The following PPFIA2 variants were observed in gnomAD, a reference collection of about 807,000 sequenced individuals.
The protein encoded by PPFIA2 is liprin-alpha-2.
A neutral mutation model predicts 175.5 loss-of-function variants in PPFIA2; 46 were observed. The ratio of observed to expected loss-of-function variants is 0.26; its 90% CI spans 0.21 to 0.34. PPFIA2 has a LOEUF of 0.34. PPFIA2 is among the 10% of genes least tolerant of loss of function. The pLI is 1.00. For missense variants in PPFIA2, 1,179 were observed against 1,506.1 expected (o/e 0.78, Z 3.60); for synonymous variants, 568 against 511.4 (o/e 1.11, Z -1.49).
At chr12:81,590,782 T>G (rs1207837290) in intron 4 of PPFIA2, among the ~76,000 whole-genome samples, 2 of 152,196 alleles carry the variant, frequency 1.3e-5, no homozygotes, top group Non-Finnish European at 2.9e-5. Flanking sequence ...CCGCCATGAC[T>G]GTAAGGCCTC....
chr12:81,341,608 G>A (rs2058094963), intron 19 of PPFIA2, among the ~76,000 whole-genome samples: 1 of 152,084 alleles, frequency 6.6e-6, no homozygotes, highest in South Asian at 2.1e-4. Context: ...TATCATTAGT[G>A]TTAGAGTAGT....
chr12:81,346,925 A>G (rs1446069997), intron 18 of PPFIA2, among the ~76,000 whole-genome samples: 1 of 151,884 alleles, frequency 6.6e-6, no homozygotes, highest in East Asian at 1.9e-4. Context: ...TTTAAAAAAA[A>G]ATTATTTTAT....
At chr12:81,729,334 G>A (rs2080529138) in intron 3 of PPFIA2, among the ~76,000 whole-genome samples, 1 of 151,350 alleles carries the variant, frequency 6.6e-6, no homozygotes, top group Non-Finnish European at 1.5e-5. Context: ...CAAGAAATCG[G>A]GATTTATTTT....
intron 28 of PPFIA2, among the ~76,000 whole-genome samples, chr12:81,276,357 G>C (rs978677784): frequency 2.0e-5 from 3 of 152,076 alleles, no homozygotes; most frequent in Non-Finnish European, 2.9e-5. Context: ...CTAAAACCCA[G>C]ACTTCACCAC....
At chr12:81,327,127 A>G (rs2054957191) in intron 21 of PPFIA2, among the ~76,000 whole-genome samples, 1 of 152,144 alleles carries the variant, frequency 6.6e-6, no homozygotes, top group African/African-American at 2.4e-5. Context: ...GAACATTGAT[A>G]TAAATAAATT....
chr12:81,560,915 G>A (rs532243625), intron 4 of PPFIA2, among the ~76,000 whole-genome samples: 1 of 152,082 alleles, frequency 6.6e-6, no homozygotes, highest in African/African-American at 2.4e-5. Context: ...TTCTGATCAG[G>A]GAAGAATAGA....
At chr12:81,697,344 T>C (rs1233835428) in intron 3 of PPFIA2, among the ~76,000 whole-genome samples, 1 of 152,090 alleles carries the variant, frequency 6.6e-6, no homozygotes, top group African/African-American at 2.4e-5. Context: ...TAAAAACTTA[T>C]TTAGAGACTA....
intron 4 of PPFIA2, among the ~76,000 whole-genome samples, chr12:81,555,377 A>C (rs2068666620): frequency 6.6e-6 from 1 of 151,980 alleles, no homozygotes; most frequent in Non-Finnish European, 1.5e-5. Flanking sequence ...AGATATAATA[A>C]TGTGTATAAA....
intron 3 of PPFIA2, 110 bp downstream of exon 3, chr12:81,753,863 G>T: frequency 1.5e-6 from 2 of 1,340,898 alleles, no homozygotes; most frequent in Non-Finnish European, 2.0e-6. Context: ...TCACCAAAAC[G>T]TGTGTATCAC....
intron 4 of PPFIA2, among the ~76,000 whole-genome samples, chr12:81,560,595 A>T (rs2069841015): frequency 1.3e-5 from 2 of 152,154 alleles, no homozygotes; most frequent in South Asian, 4.1e-4. Flanking sequence ...TCTCTCAGAG[A>T]ATACTTCTTC....
intron 3 of PPFIA2, chr12:81,687,308 C>T (rs2074560865): frequency 6.6e-6 from 1 of 151,958 alleles, no homozygotes; most frequent in South Asian, 2.1e-4. Flanking sequence ...AAAAAGAAAC[C>T]CTGCACTCTT....
At chr12:81,339,384 A>C in intron 20 of PPFIA2, 50 bp from the exon 21 acceptor site, 1 of 1,395,286 alleles carries the variant, frequency 7.2e-7, no homozygotes, top group South Asian at 1.7e-5. Flanking sequence ...AAGGTACACA[A>C]AAGTCATTTC....
chr12:81,621,393 G>C (rs1417255981), intron 4 of PPFIA2, among the ~76,000 whole-genome samples: 1 of 152,200 alleles, frequency 6.6e-6, no homozygotes, highest in South Asian at 2.1e-4. Flanking sequence ...ATTGGACATT[G>C]ATTTTTATTC....
chr12:81,283,003 C>A lies in PPFIA2; in HGVS notation c.3018+7G>T, dbSNP rs753598236. ...ATTAAGGGTCTTAAAGCATATGAATCTCCTACCTGGGCCCAGCTTCCTTCC... is the reference window on the plus strand; with the variant it reads ...ATTAAGGGTCTTAAAGCATATGAATATCCTACCTGGGCCCAGCTTCCTTCC... On this transcript the variant is annotated splice_region_variant and intron_variant, in intron 26 of 32. Transcript: ENST00000549396. 2 of 1,610,694 alleles carry A rather than the reference C, an allele frequency of 1.2e-6. No individual in the cohort carries two copies. The highest frequency in any genetic ancestry group is 1.7e-6 in the Non-Finnish European group (2 of 1,177,414).
chr12:81,264,289 TCTTC>T (rs2036547117), intron 30 of PPFIA2, among the ~76,000 whole-genome samples: 1 of 152,218 alleles, frequency 6.6e-6, no homozygotes, highest in Admixed American at 6.5e-5. Context: ...TAAAATAATC[TCTTC>T]CTTCTCTTTG....
intron 4 of PPFIA2, among the ~76,000 whole-genome samples, chr12:81,634,906 CA>C (rs2063810549): frequency 6.6e-6 from 1 of 151,056 alleles, no homozygotes; most frequent in Admixed American, 6.6e-5. Context: ...TTGTCTTTAT[CA>C]AAGAACACTA....
chr12:81,430,329 A>G (rs1409146065), intron 7 of PPFIA2: 1 of 152,134 alleles, frequency 6.6e-6, no homozygotes, highest in Non-Finnish European at 1.5e-5. Context: ...TTCTCAAAAG[A>G]GTATTACCTT....
intron 32 of PPFIA2, 32 bp downstream of exon 32, chr12:81,261,917 T>A: frequency 6.9e-7 from 1 of 1,452,056 alleles, no homozygotes; most frequent in Non-Finnish European, 9.3e-7. Context: ...TTTTGTCTTT[T>A]TTTTTTTGTC....
intron 4 of PPFIA2, among the ~76,000 whole-genome samples, chr12:81,596,506 A>T (rs544891435): frequency 1.3e-5 from 2 of 152,232 alleles, no homozygotes; most frequent in African/African-American, 4.8e-5. Flanking sequence ...GGGGGTAGTT[A>T]AAAATCGTTG....
Sources: allele counts gnomAD v4.1 joint callset (sites outside exome capture counted in the v4.1 genomes callset), GRCh38; gene constraint gnomAD v4.1.1; transcripts MANE v1.5; gene names NCBI Gene and HGNC (gene_info 2026-07-23, HGNC 2026-07-21).